MVB12B: variants seen among roughly 807,000 people sequenced by gnomAD.
The protein encoded by MVB12B is multivesicular body subunit 12B, also known as ESCRT-I complex subunit MVB12B.
MVB12B carries 16 observed loss-of-function variants against 41.6 expected under a neutral mutation model. That is an observed-to-expected ratio of 0.38 (90% CI 0.26 to 0.58). The LOEUF (loss-of-function observed/expected upper bound fraction) is 0.58, where lower values mean the gene tolerates loss of function less well. Among genes scored for constraint, MVB12B ranks in the 20% least tolerant of loss-of-function variants. The probability of loss-of-function intolerance (pLI) is 0.62; values close to 1 mark genes in which losing one functional copy is unlikely to be tolerated. For synonymous variants in MVB12B, 133 were observed against 139.7 expected (o/e 0.95, Z 0.34); for missense variants, 274 against 380.2 (o/e 0.72, Z 2.32).
intron 6 of MVB12B, among the ~76,000 whole-genome samples, chr9:126,415,236 A>G (rs1300598031): frequency 6.6e-6 from 1 of 152,038 alleles, no homozygotes; most frequent in East Asian, 1.9e-4. Flanking sequence ...ATTCTCATGA[A>G]CCAGAGGCCT....
intron 7 of MVB12B, among the ~76,000 whole-genome samples, chr9:126,431,016 C>G: frequency 6.6e-6 from 1 of 152,214 alleles, no homozygotes; most frequent in East Asian, 1.9e-4. Flanking sequence ...ATTCAGCTCC[C>G]CTACAGGGAT....
intron 3 of MVB12B, among the ~76,000 whole-genome samples, chr9:126,383,927 G>A (rs1830701548): frequency 6.6e-6 from 1 of 151,586 alleles, no homozygotes; most frequent in African/African-American, 2.4e-5. Flanking sequence ...TGTGTGGAGG[G>A]TGAGGTCACT....
At chr9:126,387,184 T>C (rs1227620956) in intron 4 of MVB12B, among the ~76,000 whole-genome samples, 1 of 152,214 alleles carries the variant, frequency 6.6e-6, no homozygotes, top group Non-Finnish European at 1.5e-5. Context: ...AGTGAATCAC[T>C]GAGGAATCGG....
rs1829409517 is a variant in MVB12B, at chr9:126,340,371, C to T, written c.82-137C>T. On this transcript the variant is annotated intron_variant, in intron 1 of 9. Transcript: ENST00000361171. The surrounding 1 kb of genome is among the most constrained non-coding windows in gnomAD (Gnocchi z 4.0). ...ACCTGGGGAAAGGGTCACATAGGGT[C>T]AGGACTCATTCAACCAGTACAGGTA... 2.3e-6 allele frequency: 2 copies of T among 871,926 alleles called. No homozygotes were observed. Among genetic ancestry groups the T allele is most frequent in the Non-Finnish European group, 3.6e-6 (2 of 562,816 alleles). 54.0% of individuals were successfully genotyped at this position (871,926 alleles called of 1,614,324 possible). A position where few individuals can be genotyped will look rare whatever the true frequency, so the allele number is the denominator to read the frequency against.
In MVB12B at chr9:126,480,673, T is replaced by TCTGA. The variant is rs1833507497; in HGVS notation, c.758-695_758-692dup. On this transcript the variant is annotated intron_variant, in intron 7 of 9. Transcript: ENST00000361171. This position sits in a 1 kb window ranked among gnomAD's most constrained non-coding sequence, Gnocchi z 4.9. ...TCTAGTCAGCCCTTGATGCCCTGGG[T>TCTGA]CTGAGTGACTGAGAGCGACAGCCAC... The TCTGA allele has an allele frequency of 1.3e-5, 2 of 152,206 alleles. No homozygotes were observed. The highest frequency in any genetic ancestry group is 4.1e-4 in the South Asian group (2 of 4,828). 9.4% of individuals were successfully genotyped at this position (152,206 alleles called of 1,614,324 possible).
chr9:126,434,415 T>G (rs1832415729), intron 7 of MVB12B, among the ~76,000 whole-genome samples: 1 of 152,176 alleles, frequency 6.6e-6, no homozygotes, highest in South Asian at 2.1e-4. Context: ...AGAGAGCAGT[T>G]TCTTACGCCT....
At chr9:126,446,326 T>C (rs1376480945) in intron 7 of MVB12B, among the ~76,000 whole-genome samples, 1 of 152,092 alleles carries the variant, frequency 6.6e-6, no homozygotes. Flanking sequence ...TATGGTGCAT[T>C]CTTCTTTAAA....
rs992657484 is a variant in MVB12B at position 126,503,915 on chromosome 9, G to A, written c.*652G>A. On this transcript the variant is annotated 3_prime_UTR_variant, in exon 10 of 10. Transcript: ENST00000361171. ...AGCAGCACCCCTGCCCCCGGTGGAGGGGTTGTTGCTTTCTGGGGAGGAGGA... is the reference window on the plus strand; with the variant it reads ...AGCAGCACCCCTGCCCCCGGTGGAGAGGTTGTTGCTTTCTGGGGAGGAGGA... 2 of 152,444 alleles carry A rather than the reference G, an allele frequency of 1.3e-5. No homozygotes were observed. The highest frequency in any genetic ancestry group is 4.8e-5 in the African/African-American group (2 of 41,426). 9.4% of individuals were successfully genotyped at this position (152,444 alleles called of 1,614,324 possible). A position where few individuals can be genotyped will look rare whatever the true frequency, so the allele number is the denominator to read the frequency against.
chr9:126,340,423 G>A lies in MVB12B; in HGVS notation c.82-85G>A. On this transcript the variant is annotated intron_variant, in intron 1 of 9. Transcript: ENST00000361171. This position sits in a 1 kb window ranked among gnomAD's most constrained non-coding sequence, Gnocchi z 4.0. ...GTGAAACTCAGGGTATTTGCCCCAA[G>A]ATTCTGGTTCTGTTTGAGACTTTAT... The A allele has an allele frequency of 2.0e-6, 3 of 1,524,614 alleles. 1 individual carries two copies. The South Asian group carries it at 3.5e-5, about 18-fold the overall frequency. The allele number at this position is 1,524,614 out of a possible 1,614,324, so 94.4% of individuals were successfully genotyped here. A position where few individuals can be genotyped will look rare whatever the true frequency, so the allele number is the denominator to read the frequency against.
At chr9:126,388,622 A>G (rs1434411257) in intron 4 of MVB12B, among the ~76,000 whole-genome samples, 1 of 152,174 alleles carries the variant, frequency 6.6e-6, no homozygotes, top group Non-Finnish European at 1.5e-5. Flanking sequence ...GTTTCAAAGG[A>G]GCTGCACTGT....
At position 126,333,361 on chromosome 9, in the gene MVB12B, A is replaced by T. The variant is rs1829181862; in HGVS notation, c.81+6351A>T. Among the ~76,000 whole-genome samples, 1 of 151,996 alleles carries T rather than the reference A, an allele frequency of 6.6e-6. No homozygotes were observed. The highest frequency in any genetic ancestry group is 1.5e-5 in the Non-Finnish European group (1 of 68,010). On this transcript the variant is annotated intron_variant, in intron 1 of 9. Transcript: ENST00000361171. This position sits in a 1 kb window ranked among gnomAD's most constrained non-coding sequence, Gnocchi z 4.7. ...CGGACTCCCAAGGTGCTGGGATTAC[A>T]GGCGTGAGCCACTGCGCCTGGCCAT... is the stretch of plus-strand genomic sequence containing the variant.
intron 7 of MVB12B, among the ~76,000 whole-genome samples, chr9:126,434,395 A>G (rs1832414970): frequency 6.6e-6 from 1 of 152,176 alleles, no homozygotes. Flanking sequence ...CAAGGTTGAG[A>G]TCCTTTGTTA....
intron 7 of MVB12B, among the ~76,000 whole-genome samples, chr9:126,453,747 C>T (rs947023389): frequency 2.6e-5 from 4 of 152,230 alleles, no homozygotes; most frequent in African/African-American, 9.6e-5. Context: ...ATACCGTGTG[C>T]ATGGTCTTGC....
chr9:126,370,994 T>G (rs1830320163), intron 2 of MVB12B, among the ~76,000 whole-genome samples: 1 of 152,252 alleles, frequency 6.6e-6, no homozygotes, highest in Non-Finnish European at 1.5e-5. Context: ...CTTTAATCCA[T>G]CAAGAATTTG....
At chr9:126,496,528 C>A (rs910810773) in intron 9 of MVB12B, among the ~76,000 whole-genome samples, 1 of 148,488 alleles carries the variant, frequency 6.7e-6, no homozygotes, top group Non-Finnish European at 1.5e-5. Flanking sequence ...GGAGCTACAG[C>A]TGAGGCTCCA....
intron 7 of MVB12B, among the ~76,000 whole-genome samples, chr9:126,434,345 C>T (rs1275167424): frequency 6.6e-6 from 1 of 152,170 alleles, no homozygotes; most frequent in Non-Finnish European, 1.5e-5. Flanking sequence ...ATTTGTCTTA[C>T]AATTGTCTGT....
chr9:126,449,668 G>A (rs768938855), intron 7 of MVB12B, among the ~76,000 whole-genome samples: 8 of 152,244 alleles, frequency 5.3e-5, no homozygotes, highest in Non-Finnish European at 4.4e-5. Context: ...GGGCAGGTAT[G>A]CTTAGGCTGG....
intron 7 of MVB12B, among the ~76,000 whole-genome samples, chr9:126,440,386 A>G (rs1412836205): frequency 6.6e-6 from 1 of 152,212 alleles, no homozygotes. Context: ...TTCCCGTGGA[A>G]GCATCTGCCA....
intron 9 of MVB12B, among the ~76,000 whole-genome samples, chr9:126,496,225 CCATCCATACACCCACT>C (rs1414469393): frequency 2.1e-5 from 3 of 144,538 alleles, no homozygotes; most frequent in East Asian, 2.1e-4. Context: ...ATCCACCCAC[CCATCCATACACCCACT>C]TACCCAACCA....
Sources: allele counts gnomAD v4.1 joint callset (sites outside exome capture counted in the v4.1 genomes callset), GRCh38; gene constraint gnomAD v4.1.1; non-coding constraint Gnocchi (gnomAD v3.1); transcripts MANE v1.5; gene names NCBI Gene and HGNC (gene_info 2026-07-23, HGNC 2026-07-21).